SORCS2: variants seen among roughly 807,000 people sequenced by gnomAD.
SORCS2 encodes the protein sortilin related VPS10 domain containing receptor 2, also known as VPS10 domain-containing receptor SorCS2.
SORCS2 carries 100 observed loss-of-function variants against 141.6 expected under a neutral mutation model. That is an observed-to-expected ratio of 0.71 (90% CI 0.60 to 0.83). SORCS2 has a LOEUF of 0.83. Ranked by LOEUF, SORCS2 falls within the 40% of genes least tolerant of loss-of-function variation. The pLI is 0.00. For missense variants in SORCS2, 1,646 were observed against 1,560.2 expected, an observed-to-expected ratio of 1.05 and a Z score of -0.93; for synonymous variants, 789 against 676.9, an observed-to-expected ratio of 1.17 and a Z score of -2.57.
intron 1 of SORCS2, among the ~76,000 whole-genome samples, chr4:7,251,838 C>T (rs148550850): frequency 3.7e-4 from 57 of 152,240 alleles, no homozygotes; most frequent in African/African-American, 1.3e-3. Context: ...CCTTTGGAGT[C>T]CAGGAAGCAG....
chr4:7,484,122 A>T (rs1405623783), intron 2 of SORCS2, among the ~76,000 whole-genome samples: 1 of 152,204 alleles, frequency 6.6e-6, no homozygotes, highest in Non-Finnish European at 1.5e-5. Context: ...AAGTATCAAC[A>T]TATGATGGGA....
rs149365411 is a variant in SORCS2, at chr4:7,267,474, C to G, written c.480+74348C>G. Among the ~76,000 whole-genome samples, 361 of 152,232 alleles carry G rather than the reference C, an allele frequency of 2.4e-3. 1 individual carries two copies. The highest frequency in any genetic ancestry group is 8.3e-3 in the African/African-American group (346 of 41,540). ...CTCTGCAGATCTCCTCCTGGCCACC[C>G]CAGCCCTGGCCCGTAAGCAGAACTC... On this transcript the variant is annotated intron_variant, in intron 1 of 26. Coordinates refer to ENST00000507866, the MANE Select transcript of SORCS2 (RefSeq NM_020777.3).
At position 7,538,043 on chromosome 4, in the gene SORCS2, A is replaced by G. The variant is rs1024848690; in HGVS notation, c.648+6414A>G. Among the ~76,000 whole-genome samples the G allele has an allele frequency of 5.9e-5, 9 of 152,030 alleles. 1 individual carries two copies. Among genetic ancestry groups the G allele is most frequent in the African/African-American group, 1.9e-4 (8 of 41,452 alleles). ...AGCCAATAGAGGATTGACCCGGGTG[A>G]CTCTGATTGGGAAAAGATCACTTTG... is the stretch of plus-strand genomic sequence containing the variant. On this transcript the variant is annotated intron_variant, in intron 3 of 26. Transcript: ENST00000507866.
At chr4:7,728,605 G>A (rs1375350773) in intron 22 of SORCS2, 143 bp downstream of exon 22, 1 of 614,154 alleles carries the variant, frequency 1.6e-6, no homozygotes, top group Non-Finnish European at 2.8e-6. Context: ...GGGCCAGCTG[G>A]GGATGTTGAA....
chr4:7,322,737 G>T (rs73796634), intron 1 of SORCS2, among the ~76,000 whole-genome samples: 1 of 152,130 alleles, frequency 6.6e-6, no homozygotes, highest in Non-Finnish European at 1.5e-5. Context: ...TTTCCTTCTC[G>T]GGAGAGTTTG....
At chr4:7,615,116 CTCCATCTGTTCA>C (rs1346644534) in intron 3 of SORCS2, among the ~76,000 whole-genome samples, 1 of 152,240 alleles carries the variant, frequency 6.6e-6, no homozygotes, top group Non-Finnish European at 1.5e-5. Context: ...ATCCATTGTC[CTCCATCTGTTCA>C]TCCATCTGCC....
intron 2 of SORCS2, among the ~76,000 whole-genome samples, chr4:7,489,795 T>G (rs888914317): frequency 1.3e-5 from 2 of 152,202 alleles, no homozygotes; most frequent in Admixed American, 1.3e-4. Flanking sequence ...AAAGCCCTGT[T>G]CATCAGGAAA....
intron 3 of SORCS2, among the ~76,000 whole-genome samples, chr4:7,559,905 G>A (rs182265666): frequency 1.1e-4 from 17 of 152,364 alleles, no homozygotes; most frequent in African/African-American, 2.2e-4. Flanking sequence ...CTGCAGGGCC[G>A]GAGCCAGGCG....
intron 3 of SORCS2, among the ~76,000 whole-genome samples, chr4:7,560,648 G>A (rs144530115): frequency 3.3e-5 from 5 of 152,232 alleles, no homozygotes; most frequent in Admixed American, 6.5e-5. Flanking sequence ...AAATAGGGAC[G>A]GCTCTGGGTA....
chr4:7,724,363 A>ATGG (rs2148878491), intron 19 of SORCS2, among the ~76,000 whole-genome samples: 10 of 121,056 alleles, frequency 8.3e-5, no homozygotes, highest in East Asian at 2.7e-4. Context: ...AGTGGTAGTA[A>ATGG]TGGTGATGAT....
intron 1 of SORCS2, among the ~76,000 whole-genome samples, chr4:7,276,161 T>C (rs1011744226): frequency 8.5e-5 from 13 of 152,300 alleles, no homozygotes; most frequent in East Asian, 1.9e-4. Flanking sequence ...CGTGGCTCCA[T>C]AGAAGCCCTG....
chr4:7,411,512 C>T (rs1253420467), intron 2 of SORCS2, among the ~76,000 whole-genome samples: 1 of 151,958 alleles, frequency 6.6e-6, no homozygotes, highest in Non-Finnish European at 1.5e-5. Context: ...CCCACCTTTG[C>T]TCCTCTCTCC....
intron 12 of SORCS2, among the ~76,000 whole-genome samples, chr4:7,698,669 C>G (rs1724858226): frequency 6.6e-6 from 1 of 152,188 alleles, no homozygotes; most frequent in African/African-American, 2.4e-5. Context: ...TTGGGAATAT[C>G]AGAATTAAAT....
intron 1 of SORCS2, among the ~76,000 whole-genome samples, chr4:7,373,011 T>G (rs1339116558): frequency 6.6e-6 from 1 of 151,384 alleles, no homozygotes; most frequent in Admixed American, 6.6e-5. Flanking sequence ...TTTCTGTTTT[T>G]TTTTTTTTTT....
intron 1 of SORCS2, among the ~76,000 whole-genome samples, chr4:7,267,614 C>T (rs574353512): frequency 3.9e-5 from 6 of 152,266 alleles, no homozygotes; most frequent in African/African-American, 4.8e-5. Context: ...GCAGATCACC[C>T]GAGGTCAGGA....
intron 2 of SORCS2, chr4:7,434,076 GGC>G: frequency 6.2e-7 from 1 of 1,611,626 alleles, no homozygotes; most frequent in South Asian, 1.1e-5. Context: ...CCCCGTCCAT[GGC>G]CACTACTTGA....
chr4:7,454,581 G>T (rs1238075952), intron 2 of SORCS2, among the ~76,000 whole-genome samples: 8 of 134,040 alleles, frequency 6.0e-5, no homozygotes, highest in Admixed American at 5.1e-4. Flanking sequence ...GCTGTGTGTT[G>T]GGGTCAGGTG....
At chr4:7,702,650 ATT>A (rs1725161653) in intron 12 of SORCS2, among the ~76,000 whole-genome samples, 1 of 152,178 alleles carries the variant, frequency 6.6e-6, no homozygotes, top group African/African-American at 2.4e-5. Context: ...GTGGTCGGCC[ATT>A]CATTCACTTG....
At chr4:7,268,022 G>T (rs1714863779) in intron 1 of SORCS2, among the ~76,000 whole-genome samples, 1 of 152,224 alleles carries the variant, frequency 6.6e-6, no homozygotes, top group African/African-American at 2.4e-5. Flanking sequence ...GGTGCCGGCT[G>T]TGTGGGGTTT....
Sources: gnomAD v4.1 joint callset for allele counts (sites outside exome capture counted in the v4.1 genomes callset) on GRCh38, gnomAD v4.1.1 for gene constraint, MANE v1.5 for transcripts, NCBI Gene and HGNC (gene_info 2026-07-23, HGNC 2026-07-21) for gene names.